The following DRC11 variants were observed in gnomAD, a reference collection of about 807,000 sequenced individuals.
The protein encoded by DRC11 is dynein regulatory complex subunit 11.
At chr2:236,350,059 G>A in the DRC11 span, among the ~76,000 whole-genome samples, 21 of 152,174 alleles carry the variant, frequency 1.4e-4, no homozygotes, top group African/African-American at 2.9e-4. This position sits in a 1 kb window ranked among gnomAD's most constrained non-coding sequence, Gnocchi z 5.2. Context: ...GTATTTCAGC[G>A]TTAACTTTTC....
At chr2:236,364,594 T>C in the DRC11 span, among the ~76,000 whole-genome samples, 1 of 144,738 alleles carries the variant, frequency 6.9e-6, no homozygotes, top group African/African-American at 2.5e-5. Context: ...CAGAGGTTCA[T>C]GCCGTGTTCT....
At chr2:236,481,627 T>G in the DRC11 span, among the ~76,000 whole-genome samples, 1,461 of 152,208 alleles carry the variant, frequency 9.6e-3, 31 homozygotes, top group African/African-American at 0.033. Flanking sequence ...AAATGTGTGT[T>G]TTTTTTCTAA....
At chr2:236,427,083 T>C in the DRC11 span, among the ~76,000 whole-genome samples, 49 of 152,322 alleles carry the variant, frequency 3.2e-4, no homozygotes, top group Non-Finnish European at 6.6e-4. The surrounding 1 kb of genome is among the most constrained non-coding windows in gnomAD (Gnocchi z 5.9). Flanking sequence ...ATTATACTGA[T>C]TGATTTGGAT....
At chr2:236,334,334 GTGGAGAC>G in the DRC11 span, among the ~76,000 whole-genome samples, 3 of 152,202 alleles carry the variant, frequency 2.0e-5, no homozygotes, top group Non-Finnish European at 4.4e-5. The surrounding 1 kb of genome is among the most constrained non-coding windows in gnomAD (Gnocchi z 7.8). Flanking sequence ...GGTGGGCTGG[GTGGAGAC>G]TGGAGCCGGC....
the DRC11 span, chr2:236,407,802 A>C: frequency 3.8e-6 from 1 of 260,466 alleles, no homozygotes; most frequent in East Asian, 1.0e-4. Flanking sequence ...AGTGGAAAAT[A>C]ACTTTTAGTG....
the DRC11 span, among the ~76,000 whole-genome samples, chr2:236,349,023 G>A: frequency 2.0e-5 from 3 of 152,148 alleles, no homozygotes; most frequent in South Asian, 2.1e-4. The surrounding 1 kb of genome is among the most constrained non-coding windows in gnomAD (Gnocchi z 5.5). Flanking sequence ...CCTCCTGCCC[G>A]TTCCCTGCGT....
chr2:236,390,974 G>A, the DRC11 span: 1 of 152,278 alleles, frequency 6.6e-6, no homozygotes, highest in African/African-American at 2.4e-5. The surrounding 1 kb of genome is among the most constrained non-coding windows in gnomAD (Gnocchi z 5.9). Context: ...GTGGGCTTTG[G>A]GGTGACATGG....
chr2:236,384,038 C>T, the DRC11 span, among the ~76,000 whole-genome samples: 2 of 152,068 alleles, frequency 1.3e-5, no homozygotes, highest in African/African-American at 4.8e-5. Context: ...TGTATATGTG[C>T]CACATTTTCT....
chr2:236,502,524 C>T, the DRC11 span, among the ~76,000 whole-genome samples: 280 of 101,226 alleles, frequency 2.8e-3, 1 homozygote, highest in African/African-American at 0.011. Context: ...TGCAGTGAGC[C>T]GAGATCTCAC....
At chr2:236,363,264 G>A in the DRC11 span, among the ~76,000 whole-genome samples, 2 of 152,210 alleles carry the variant, frequency 1.3e-5, no homozygotes, top group Non-Finnish European at 2.9e-5. The surrounding 1 kb of genome is among the most constrained non-coding windows in gnomAD (Gnocchi z 5.6). Flanking sequence ...AGGGAAGCTA[G>A]GAGCTTAGCT....
chr2:236,413,267 C>T, the DRC11 span, among the ~76,000 whole-genome samples: 1 of 152,204 alleles, frequency 6.6e-6, no homozygotes, highest in Admixed American at 6.5e-5. The surrounding 1 kb of genome is among the most constrained non-coding windows in gnomAD (Gnocchi z 4.0). Context: ...TGAAAGTTTA[C>T]AAACAACTGC....
At chr2:236,433,241 A>T in the DRC11 span, among the ~76,000 whole-genome samples, 1 of 151,972 alleles carries the variant, frequency 6.6e-6, no homozygotes, top group Non-Finnish European at 1.5e-5. Flanking sequence ...TTTGCTTTCT[A>T]CTTAAAGTTT....
chr2:236,437,024 C>T, the DRC11 span, among the ~76,000 whole-genome samples: 2 of 151,362 alleles, frequency 1.3e-5, no homozygotes, highest in Non-Finnish European at 2.9e-5. Context: ...ATGTGCCATG[C>T]TGGTGTGCTG....
At chr2:236,483,478 G>T in the DRC11 span, among the ~76,000 whole-genome samples, 1 of 152,142 alleles carries the variant, frequency 6.6e-6, no homozygotes, top group Non-Finnish European at 1.5e-5. This position sits in a 1 kb window ranked among gnomAD's most constrained non-coding sequence, Gnocchi z 4.8. Context: ...CTGCTCTTCT[G>T]GTGTTATTTC....
the DRC11 span, among the ~76,000 whole-genome samples, chr2:236,421,021 T>C: frequency 1.3e-5 from 2 of 152,224 alleles, no homozygotes; most frequent in Non-Finnish European, 2.9e-5. Flanking sequence ...TTCTGGTATG[T>C]TGTGTCTTTG....
At chr2:236,436,237 C>T in the DRC11 span, among the ~76,000 whole-genome samples, 168 of 151,792 alleles carry the variant, frequency 1.1e-3, no homozygotes, top group Middle Eastern at 3.4e-3. Context: ...TATTATTTTC[C>T]GAGAAATATT....
chr2:236,313,294 C>CA, the DRC11 span, among the ~76,000 whole-genome samples: 2 of 151,722 alleles, frequency 1.3e-5, no homozygotes, highest in Admixed American at 6.6e-5. This position sits in a 1 kb window ranked among gnomAD's most constrained non-coding sequence, Gnocchi z 4.5. Flanking sequence ...AATGATATAC[C>CA]AAAAAAATAC....
At chr2:236,454,130 G>T in the DRC11 span, among the ~76,000 whole-genome samples, 1 of 152,156 alleles carries the variant, frequency 6.6e-6, no homozygotes, top group African/African-American at 2.4e-5. This position sits in a 1 kb window ranked among gnomAD's most constrained non-coding sequence, Gnocchi z 5.3. Flanking sequence ...TAGAGGGTAT[G>T]CTGGACCCAA....
At chr2:236,505,919 C>T in the DRC11 span, among the ~76,000 whole-genome samples, 10,227 of 152,190 alleles carry the variant, frequency 0.067, 858 homozygotes, top group African/African-American at 0.19. Context: ...TTCCTTTCCT[C>T]TGCAGCAAAA....
Sources: gnomAD v4.1 joint callset for allele counts (sites outside exome capture counted in the v4.1 genomes callset) on GRCh38, gnomAD v4.1.1 for gene constraint, Gnocchi (gnomAD v3.1) non-coding constraint, MANE v1.5 for transcripts, NCBI Gene and HGNC (gene_info 2026-07-23, HGNC 2026-07-21) for gene names.